SNTG2: variants seen among roughly 807,000 people sequenced by gnomAD.
The protein encoded by SNTG2 is gamma-2-syntrophin.
In SNTG2, 74 loss-of-function variants were observed where a neutral mutation model predicts 70.9. The ratio of observed to expected loss-of-function variants is 1.04; its 90% CI spans 0.86 to 1.27. SNTG2 has a LOEUF of 1.27. Ranked by LOEUF, SNTG2 falls within the 50% of genes most tolerant of loss-of-function variation. The pLI, the probability that SNTG2 is intolerant of heterozygous loss-of-function variation, is 0.00. For missense variants in SNTG2, 717 were observed against 690.7 expected, an observed-to-expected ratio of 1.04 and a Z score of -0.43; for synonymous variants, 278 against 273.8, an observed-to-expected ratio of 1.02 and a Z score of -0.15.
chr2:978,148 G>A (rs987066710), intron 1 of SNTG2, among the ~76,000 whole-genome samples: 8 of 152,192 alleles, frequency 5.3e-5, no homozygotes, highest in African/African-American at 1.9e-4. Context: ...GTGAAGGCGA[G>A]AGGGGGCAAA....
At chr2:970,378 A>T (rs1165355158) in intron 1 of SNTG2, among the ~76,000 whole-genome samples, 1 of 149,328 alleles carries the variant, frequency 6.7e-6, no homozygotes, top group Non-Finnish European at 1.5e-5. Flanking sequence ...CTAACTCATC[A>T]TCTAGCATTA....
chr2:969,964 C>A (rs151293898), intron 1 of SNTG2, among the ~76,000 whole-genome samples: 1,569 of 152,228 alleles, frequency 0.01, 24 homozygotes, highest in Non-Finnish European at 0.015. Context: ...GAACTTCCAG[C>A]TTTTGTCCAT....
intron 8 of SNTG2, among the ~76,000 whole-genome samples, chr2:1,175,256 G>C (rs576733081): frequency 6.6e-6 from 1 of 152,316 alleles, no homozygotes; most frequent in South Asian, 2.1e-4. Flanking sequence ...AGCACCATGA[G>C]CGCAGGCGTG....
At chr2:1,271,639 A>G (rs1177069088) in intron 14 of SNTG2, among the ~76,000 whole-genome samples, 1 of 152,082 alleles carries the variant, frequency 6.6e-6, no homozygotes, top group Non-Finnish European at 1.5e-5. Flanking sequence ...TGAGGTCTAG[A>G]TTGTGCCTCG....
At chr2:1,207,727 GA>G (rs1673731448) in intron 8 of SNTG2, among the ~76,000 whole-genome samples, 1 of 152,128 alleles carries the variant, frequency 6.6e-6, no homozygotes, top group South Asian at 2.1e-4. Context: ...GATCTCATGA[GA>G]AACCCTGGGG....
intron 14 of SNTG2, among the ~76,000 whole-genome samples, chr2:1,282,308 A>G (rs1457371260): frequency 6.6e-6 from 1 of 152,218 alleles, no homozygotes; most frequent in South Asian, 2.1e-4. Flanking sequence ...TACTAGCACA[A>G]TATAAATACT....
At chr2:1,132,353 G>A (rs1483430435) in intron 4 of SNTG2, among the ~76,000 whole-genome samples, 1 of 151,992 alleles carries the variant, frequency 6.6e-6, no homozygotes, top group Non-Finnish European at 1.5e-5. Flanking sequence ...TCAGAGCCAC[G>A]GGGAAGTTGA....
At chr2:1,268,439 T>A (rs956738703) in intron 14 of SNTG2, among the ~76,000 whole-genome samples, 1 of 152,178 alleles carries the variant, frequency 6.6e-6, no homozygotes, top group Non-Finnish European at 1.5e-5. Context: ...GCACGAAGCT[T>A]CCCTGTAACT....
At chr2:1,132,048 T>C (rs765778252) in intron 4 of SNTG2, among the ~76,000 whole-genome samples, 44 of 152,316 alleles carry the variant, frequency 2.9e-4, no homozygotes, top group Admixed American at 7.8e-4. Context: ...AACTATCAAA[T>C]ACACATTCTC....
At chr2:960,828 G>A (rs943052890) in intron 1 of SNTG2, among the ~76,000 whole-genome samples, 1 of 151,812 alleles carries the variant, frequency 6.6e-6, no homozygotes, top group African/African-American at 2.4e-5. Context: ...AGCACGGTGA[G>A]CTCTGAGGGT....
intron 14 of SNTG2, among the ~76,000 whole-genome samples, chr2:1,306,649 A>T (rs1680681733): frequency 6.6e-6 from 1 of 151,440 alleles, no homozygotes; most frequent in Non-Finnish European, 1.5e-5. Context: ...GAGACTTGAG[A>T]CCTGACTGGC....
chr2:1,225,476 C>T lies in SNTG2; in HGVS notation c.720-12412C>T, dbSNP rs142198139. The stretch of plus-strand genomic sequence containing the variant: ...ATCGTTGACCGGTCGTAAAGTAAGC[C>T]GCAGAAAAGCAGTGCCAGGAGGTGG... On this transcript the variant is annotated intron_variant, in intron 9 of 16. Coordinates refer to ENST00000308624, the MANE Select transcript of SNTG2 (RefSeq NM_018968.4). Among the ~76,000 whole-genome samples, 550 of 152,246 alleles carry T rather than the reference C, an allele frequency of 3.6e-3. 6 individuals carry two copies. The highest frequency in any genetic ancestry group is 0.02 in the Admixed American group (301 of 15,296).
At chr2:1,339,982 G>T (rs1660003394) in intron 16 of SNTG2, among the ~76,000 whole-genome samples, 1 of 152,206 alleles carries the variant, frequency 6.6e-6, no homozygotes, top group African/African-American at 2.4e-5. Context: ...AAATCAAGCT[G>T]GGATGCAGCA....
chr2:975,366 G>C (rs1329336675), intron 1 of SNTG2, among the ~76,000 whole-genome samples: 1 of 151,062 alleles, frequency 6.6e-6, no homozygotes, highest in African/African-American at 2.4e-5. Flanking sequence ...TCACACCTGT[G>C]AGCAAACAAC....
At chr2:1,080,534 CTGTG>C (rs1420525602) in intron 1 of SNTG2, among the ~76,000 whole-genome samples, 2 of 151,448 alleles carry the variant, frequency 1.3e-5, no homozygotes, top group Non-Finnish European at 2.9e-5. Context: ...GTGTTTGTGT[CTGTG>C]TGTGTGCATG....
chr2:1,254,041 T>C (rs539133265), intron 12 of SNTG2, among the ~76,000 whole-genome samples: 2 of 152,280 alleles, frequency 1.3e-5, no homozygotes, highest in Admixed American at 1.3e-4. Flanking sequence ...TCCACCCCCA[T>C]GATGCAGTCA....
intron 9 of SNTG2, among the ~76,000 whole-genome samples, chr2:1,223,326 A>T (rs1675478408): frequency 6.6e-6 from 1 of 151,168 alleles, no homozygotes; most frequent in African/African-American, 2.4e-5. Flanking sequence ...CTGTAGAGGA[A>T]GGCGGCGCAG....
chr2:1,135,649 G>C (rs888994297), intron 4 of SNTG2, among the ~76,000 whole-genome samples: 2 of 152,186 alleles, frequency 1.3e-5, no homozygotes, highest in Non-Finnish European at 2.9e-5. Flanking sequence ...TTGAACCCAG[G>C]AGGCAGAGGT....
intron 1 of SNTG2, among the ~76,000 whole-genome samples, chr2:1,028,765 C>T (rs1270737275): frequency 6.8e-6 from 1 of 146,938 alleles, no homozygotes; most frequent in Admixed American, 6.9e-5. Context: ...AAATGCTAAT[C>T]ACATTTGCAT....
Sources: gnomAD v4.1 joint callset for allele counts (sites outside exome capture counted in the v4.1 genomes callset) on GRCh38, gnomAD v4.1.1 for gene constraint, MANE v1.5 for transcripts, NCBI Gene and HGNC (gene_info 2026-07-23, HGNC 2026-07-21) for gene names.